The following ERC2 variants were observed in gnomAD, a reference collection of about 807,000 sequenced individuals.
ERC2 encodes ELKS/RAB6-interacting/CAST family member 2.
Under a neutral mutation model 114.8 loss-of-function variants are expected in ERC2, and 42 were observed. The ratio of observed to expected loss-of-function variants is 0.37; its 90% confidence interval spans 0.29 to 0.47. The LOEUF (loss-of-function observed/expected upper bound fraction) is 0.47. Among genes scored for constraint, ERC2 ranks in the 20% least tolerant of loss-of-function variants. ERC2 has a pLI of 0.99. For synonymous variants in ERC2, 454 were observed against 425.5 expected (o/e 1.07, Z -0.82); for missense variants, 939 against 1,150.7 (o/e 0.82, Z 2.66).
chr3:55,622,363 G>A (rs2059364187), intron 17 of ERC2, among the ~76,000 whole-genome samples: 1 of 152,254 alleles, frequency 6.6e-6, no homozygotes, highest in South Asian at 2.1e-4. Flanking sequence ...ACACATCATG[G>A]ATCTTAAAAT....
At chr3:55,955,417 G>C (rs1205980447) in intron 12 of ERC2, among the ~76,000 whole-genome samples, 2 of 152,030 alleles carry the variant, frequency 1.3e-5, no homozygotes, top group Non-Finnish European at 2.9e-5. Flanking sequence ...TCCCAGAAGT[G>C]ATCACTACTC....
chr3:56,443,360 C>T (rs967371455), intron 1 of ERC2, among the ~76,000 whole-genome samples: 2 of 152,156 alleles, frequency 1.3e-5, no homozygotes, highest in Admixed American at 1.3e-4. Flanking sequence ...TTTTAGTTAG[C>T]GACGTAGGCT....
At chr3:56,036,794 C>A (rs1018662161) in intron 7 of ERC2, among the ~76,000 whole-genome samples, 1 of 152,124 alleles carries the variant, frequency 6.6e-6, no homozygotes, top group East Asian at 1.9e-4. Context: ...TGAGCCCATG[C>A]CACCAGAGCC....
chr3:56,181,389 C>T (rs2083279283), intron 3 of ERC2, among the ~76,000 whole-genome samples: 1 of 152,210 alleles, frequency 6.6e-6, no homozygotes, highest in Non-Finnish European at 1.5e-5. Context: ...CTGCTATGCA[C>T]ATTGATTTCC....
intron 6 of ERC2, among the ~76,000 whole-genome samples, chr3:56,120,662 T>G (rs2079522772): frequency 6.6e-6 from 1 of 152,190 alleles, no homozygotes; most frequent in Admixed American, 6.5e-5. Flanking sequence ...ACAGAATGAT[T>G]CTTGTTAGAA....
intron 7 of ERC2, among the ~76,000 whole-genome samples, chr3:56,066,830 G>A (rs891316455): frequency 3.3e-5 from 5 of 152,074 alleles, no homozygotes; most frequent in Admixed American, 1.3e-4. Context: ...GCTTGTTTTT[G>A]TCAGGTTTGT....
At chr3:56,071,716 C>CA (rs1448564487) in intron 7 of ERC2, among the ~76,000 whole-genome samples, 4 of 152,136 alleles carry the variant, frequency 2.6e-5, no homozygotes, top group African/African-American at 7.2e-5. Flanking sequence ...ACCATTTCAT[C>CA]AATGTCATCT....
rs1553861445 is a variant in ERC2, at chr3:56,170,604, T to TTG, written c.1149+2841_1149+2842insCA. Among the ~76,000 whole-genome samples, 183 of 133,224 alleles carry TTG rather than the reference T, an allele frequency of 1.4e-3. 2 individuals are homozygous for TTG. Among genetic ancestry groups the TTG allele is most frequent in the East Asian group, 4.3e-3 (19 of 4,420 alleles). The allele number at this position is 133,224 out of a possible 152,430, so 87.4% of individuals were successfully genotyped here. A position where few individuals can be genotyped will look rare whatever the true frequency, so the allele number is the denominator to read the frequency against. On this transcript the variant is annotated intron_variant, in intron 4 of 17. Transcript: ENST00000288221. ...TCTTCTGTTTTTTTTTTTTTTTTTT[T>TTG]TTTTTTTTTTGAGGTAGTGTCTCAC...
chr3:56,085,768 G>A (rs1413644629), intron 6 of ERC2, among the ~76,000 whole-genome samples: 1 of 152,130 alleles, frequency 6.6e-6, no homozygotes, highest in East Asian at 1.9e-4. Flanking sequence ...TGAACACTCT[G>A]GATTATAGCA....
chr3:56,271,532 C>T (rs1183428380), intron 3 of ERC2, among the ~76,000 whole-genome samples: 1 of 152,108 alleles, frequency 6.6e-6, no homozygotes, highest in Non-Finnish European at 1.5e-5. Flanking sequence ...GAATTAAGTA[C>T]AATCACGGGC....
At chr3:56,214,591 T>G (rs2049320951) in intron 3 of ERC2, among the ~76,000 whole-genome samples, 1 of 151,978 alleles carries the variant, frequency 6.6e-6, no homozygotes, top group African/African-American at 2.4e-5. Context: ...CCAGGAGAAC[T>G]TCCCCAATCT....
intron 13 of ERC2, among the ~76,000 whole-genome samples, chr3:55,906,582 A>T (rs1031954512): frequency 6.6e-5 from 10 of 152,200 alleles, no homozygotes; most frequent in Non-Finnish European, 1.0e-4. Context: ...GCGGTCCAAC[A>T]ATATGTGTTT....
chr3:55,652,834 C>T (rs907270478), intron 17 of ERC2, among the ~76,000 whole-genome samples: 2 of 146,404 alleles, frequency 1.4e-5, no homozygotes, highest in Non-Finnish European at 3.0e-5. Context: ...CCCTCCAGCC[C>T]GGGCGACAAT....
Position 55,699,524 on chromosome 3 carries a change from A to G in ERC2, c.2713-12T>C, listed in dbSNP as rs2063114224. 3.8e-6 allele frequency: 6 copies of G among 1,588,858 alleles called. No homozygotes were observed. Among genetic ancestry groups the G allele is most frequent in the East Asian group, 2.3e-5 (1 of 44,334 alleles). On this transcript the variant is annotated splice_polypyrimidine_tract_variant and intron_variant, in intron 15 of 17. Transcript: ENST00000288221. ...ATTCTGTTCTGGGTCTGTGCAGAAC[A>G]AAAACCAAGGAAGATTCCATCAGGA...
chr3:55,923,025 C>T (rs902786859), intron 13 of ERC2, among the ~76,000 whole-genome samples: 15 of 152,066 alleles, frequency 9.9e-5, no homozygotes, highest in African/African-American at 3.4e-4. Flanking sequence ...CAATTCCACT[C>T]TGGGTAGATG....
intron 2 of ERC2, among the ~76,000 whole-genome samples, chr3:56,340,786 A>G (rs2058059852): frequency 6.6e-6 from 1 of 152,176 alleles, no homozygotes; most frequent in African/African-American, 2.4e-5. Flanking sequence ...CTTATCCTCA[A>G]CAATGAGCCA....
chr3:55,916,626 A>C (rs2065111142), intron 13 of ERC2, among the ~76,000 whole-genome samples: 1 of 152,112 alleles, frequency 6.6e-6, no homozygotes, highest in Non-Finnish European at 1.5e-5. Context: ...GGTAGCTTGC[A>C]TTTGCTGTTC....
At position 56,027,048 on chromosome 3, in the gene ERC2, TATAA is replaced by T. The variant is rs1249028538; in HGVS notation, c.1642-8021_1642-8018del. ...TAATTTGGTCATTTCACAAATGTTATATAAATAAAGTCACACAGTATGTAACCTG... is the reference window on the plus strand; with the variant it reads ...TAATTTGGTCATTTCACAAATGTTATATAAAGTCACACAGTATGTAACCTG... On this transcript the variant is annotated intron_variant, in intron 7 of 17. Transcript: ENST00000288221. 8.5e-5 allele frequency among the ~76,000 whole-genome samples: 13 copies of T among 152,382 alleles called. No individual in the cohort carries two copies. In the South Asian group the frequency reaches 2.3e-3, roughly 27 times the overall value.
At chr3:56,208,819 A>T (rs2048888792) in intron 3 of ERC2, among the ~76,000 whole-genome samples, 1 of 152,192 alleles carries the variant, frequency 6.6e-6, no homozygotes, top group South Asian at 2.1e-4. Context: ...CAAGGGGGGC[A>T]TCTATGAGAT....
Sources: allele counts gnomAD v4.1 joint callset (sites outside exome capture counted in the v4.1 genomes callset), GRCh38; gene constraint gnomAD v4.1.1; transcripts MANE v1.5; gene names NCBI Gene and HGNC (gene_info 2026-07-23, HGNC 2026-07-21).